Variants in CRTAC1 observed in about 807,000 individuals in gnomAD.
CRTAC1 encodes acidic secreted protein in cartilage.
Under a neutral mutation model 67.8 loss-of-function variants are expected in CRTAC1, and 37 were observed. The observed-to-expected ratio is 0.55, with a 90% confidence interval of 0.42 to 0.72. The LOEUF is 0.72. Among genes scored for constraint, CRTAC1 ranks in the 30% least tolerant of loss-of-function variants. The probability of loss-of-function intolerance (pLI) is 0.00; values close to 1 mark genes in which losing one functional copy is unlikely to be tolerated. For missense variants in CRTAC1, 780 were observed against 931.6 expected (o/e 0.84, Z 2.12); for synonymous variants, 348 against 371.0 (o/e 0.94, Z 0.71).
intron 1 of CRTAC1, among the ~76,000 whole-genome samples, chr10:98,024,795 C>CCACACACACA (rs112213274): frequency 1.7e-5 from 2 of 118,514 alleles, no homozygotes; most frequent in African/African-American, 6.6e-5. Context: ...CACCTCTCCA[C>CCACACACACA]CACACACACA....
chr10:97,884,341 T>A lies in CRTAC1; in HGVS notation c.1497A>T (p.Glu499Asp). ...PVAHFGLGKD[E>D]ASSVEVTWPD... ...GCCACGTCACCTCCACACTGCTGGC[T>A]TCATCCTTCCCTGAGGGGCAGAAGG... The change falls in exon 12 of 15, where the codon GAA (glutamate) becomes GAT (aspartate). Residue 499 changes from glutamate to aspartate, a missense_variant. Physicochemically the swap from Glu to Asp is conservative, Grantham distance 45 (BLOSUM62 2). Coordinates refer to ENST00000370597, the MANE Select transcript of CRTAC1 (RefSeq NM_018058.7). The A allele has an allele frequency of 6.4e-7, 1 of 1,551,504 alleles. No individual in the cohort carries two copies. Among genetic ancestry groups the A allele is most frequent in the Non-Finnish European group, 8.7e-7 (1 of 1,147,216 alleles).
intron 2 of CRTAC1, among the ~76,000 whole-genome samples, chr10:97,947,445 A>G (rs2051283515): frequency 6.6e-6 from 1 of 152,254 alleles, no homozygotes; most frequent in Non-Finnish European, 1.5e-5. Context: ...GGCATTTATG[A>G]AAGAAATGGT....
chr10:97,889,454 G>C (rs952694701), intron 11 of CRTAC1, among the ~76,000 whole-genome samples: 3 of 131,232 alleles, frequency 2.3e-5, no homozygotes, highest in South Asian at 2.5e-4. Flanking sequence ...GGAACTTGGT[G>C]GGGGGGGGTC....
At chr10:98,026,808 G>A (rs769922584) in intron 1 of CRTAC1, among the ~76,000 whole-genome samples, 5 of 152,170 alleles carry the variant, frequency 3.3e-5, no homozygotes, top group Non-Finnish European at 7.3e-5. Flanking sequence ...ACGAGGGTAG[G>A]CTTCCGAGTC....
chr10:98,007,844 G>T (rs900406301), intron 2 of CRTAC1, among the ~76,000 whole-genome samples: 5 of 152,146 alleles, frequency 3.3e-5, no homozygotes, highest in African/African-American at 1.2e-4. Context: ...TAGCACAGAG[G>T]ACACAAAGGC....
intron 8 of CRTAC1, among the ~76,000 whole-genome samples, chr10:97,899,443 A>G (rs1466682023): frequency 6.6e-6 from 1 of 152,198 alleles, no homozygotes; most frequent in African/African-American, 2.4e-5. Context: ...CAGGATGGGC[A>G]GGCAGACAGA....
intron 2 of CRTAC1, among the ~76,000 whole-genome samples, chr10:97,954,253 G>T (rs2051405208): frequency 6.6e-6 from 1 of 152,210 alleles, no homozygotes; most frequent in Non-Finnish European, 1.5e-5. Context: ...AGGCATGATT[G>T]CTTATCTTGA....
At chr10:97,961,256 T>C (rs991436332) in intron 2 of CRTAC1, among the ~76,000 whole-genome samples, 3 of 152,116 alleles carry the variant, frequency 2.0e-5, no homozygotes, top group African/African-American at 7.2e-5. Context: ...ACTTCTATCT[T>C]CTTTCTCTCT....
intron 2 of CRTAC1, among the ~76,000 whole-genome samples, chr10:97,965,154 A>G (rs762155711): frequency 2.0e-5 from 3 of 152,230 alleles, no homozygotes; most frequent in Admixed American, 6.5e-5. Context: ...GTCAGGAGTG[A>G]TTGACCACAG....
intron 14 of CRTAC1, chr10:97,868,547 C>T (rs2050053880): frequency 6.6e-6 from 1 of 152,276 alleles, no homozygotes; most frequent in Non-Finnish European, 1.5e-5. Flanking sequence ...GGGTGGTTCT[C>T]ATGTTTGTTG....
rs1228250178 is a variant in CRTAC1, at chr10:97,865,341, C to T, written c.*207G>A. 1 of 515,878 alleles carries T rather than the reference C, an allele frequency of 1.9e-6. No homozygotes were observed. Among genetic ancestry groups the T allele is most frequent in the Non-Finnish European group, 3.2e-6 (1 of 311,582 alleles). 32.0% of individuals were successfully genotyped at this position (515,878 alleles called of 1,614,324 possible). ...AATGTAAGCGCCATCAGGGCAGCGA[C>T]CCTGTCTGCTGTGATCACAGCTATG... On this transcript the variant is annotated 3_prime_UTR_variant, in exon 15 of 15. Coordinates refer to ENST00000370597, the MANE Select transcript of CRTAC1 (RefSeq NM_018058.7).
At chr10:98,011,041 ATGT>A in intron 2 of CRTAC1, 94 bp downstream of exon 2, 4 of 1,036,100 alleles carry the variant, frequency 3.9e-6, no homozygotes, top group Non-Finnish European at 6.0e-6. Flanking sequence ...GTGAGAACGT[ATGT>A]TGTTGCAAGT....
intron 2 of CRTAC1, among the ~76,000 whole-genome samples, chr10:97,967,699 TA>T (rs963261586): frequency 1.4e-4 from 21 of 151,228 alleles, no homozygotes; most frequent in African/African-American, 2.9e-4. Context: ...TAAACAACAT[TA>T]AAAAAAAACA....
At chr10:97,931,219 C>T (rs879452158) in intron 3 of CRTAC1, among the ~76,000 whole-genome samples, 6 of 152,158 alleles carry the variant, frequency 3.9e-5, no homozygotes, top group Non-Finnish European at 8.8e-5. Context: ...TCGGAAAGTG[C>T]TTGCTTGCAT....
rs1270859645 is a variant in CRTAC1 at position 97,908,089 on chromosome 10, G to A, written c.774C>T (p.Cys258=). The A allele has an allele frequency of 1.9e-6, 3 of 1,614,022 alleles. No homozygotes were observed. The highest frequency in any genetic ancestry group is 1.3e-5 in the African/African-American group (1 of 74,910). The change falls in exon 6 of 15, where the codon TGC becomes TGT. Residue 258 remains cysteine (C), a synonymous_variant. Transcript: ENST00000370597. Reference sequence around the variant, plus strand: ...GGAAGTTAGGCCCATTCTCATTGTCGCAGAAGATATCCGAGGCACTGCTGC... The same window carrying A: ...GGAAGTTAGGCCCATTCTCATTGTCACAGAAGATATCCGAGGCACTGCTGC... ...ILSSSASDIF[C]DNENGPNFLF...
intron 2 of CRTAC1, among the ~76,000 whole-genome samples, chr10:97,988,527 T>A (rs764691462): frequency 6.6e-6 from 1 of 151,960 alleles, no homozygotes; most frequent in Non-Finnish European, 1.5e-5. Flanking sequence ...TTTGAGACCA[T>A]CCTGGCCAAC....
At chr10:98,014,793 GA>G (rs1378631025) in intron 1 of CRTAC1, among the ~76,000 whole-genome samples, 3 of 152,098 alleles carry the variant, frequency 2.0e-5, no homozygotes, top group Non-Finnish European at 4.4e-5. Flanking sequence ...AACAAAAACA[GA>G]AAAAAAGTGT....
intron 2 of CRTAC1, among the ~76,000 whole-genome samples, chr10:98,005,369 T>C (rs922261059): frequency 7.3e-5 from 11 of 150,570 alleles, no homozygotes; most frequent in Non-Finnish European, 1.6e-4. Flanking sequence ...CCTCCCAAAG[T>C]GCTGGGATTA....
intron 7 of CRTAC1, among the ~76,000 whole-genome samples, chr10:97,902,953 G>A (rs2050562166): frequency 6.6e-6 from 1 of 152,038 alleles, no homozygotes; most frequent in East Asian, 1.9e-4. Flanking sequence ...AGGATCTCTA[G>A]CCGTTATGAT....
Sources: gnomAD v4.1 joint callset for allele counts (sites outside exome capture counted in the v4.1 genomes callset) on GRCh38, gnomAD v4.1.1 for gene constraint, MANE v1.5 for transcripts, NCBI Gene and HGNC (gene_info 2026-07-23, HGNC 2026-07-21) for gene names.